NDE1: variants seen among roughly 807,000 people sequenced by gnomAD.
NDE1 encodes the protein nuclear distribution protein nudE homolog 1.
Under a neutral mutation model 43.4 loss-of-function variants are expected in NDE1, and 28 were observed. The ratio of observed to expected loss-of-function variants is 0.65; its 90% confidence interval spans 0.48 to 0.89. The LOEUF (loss-of-function observed/expected upper bound fraction) is 0.89, where lower values mean the gene tolerates loss of function less well. NDE1 is among the 40% of genes least tolerant of loss of function. NDE1 has a pLI of 0.00. For synonymous variants in NDE1, 184 were observed against 172.0 expected, an observed-to-expected ratio of 1.07 and a Z score of -0.55; for missense variants, 441 against 434.1, an observed-to-expected ratio of 1.02 and a Z score of -0.14.
intron 1 of NDE1, among the ~76,000 whole-genome samples, chr16:15,658,985 C>G (rs1174108167): frequency 5.3e-5 from 8 of 152,160 alleles, no homozygotes; most frequent in African/African-American, 1.9e-4. Flanking sequence ...GCCTTTCTGC[C>G]TTGATCAAAC....
intron 6 of NDE1, among the ~76,000 whole-genome samples, chr16:15,693,325 C>T (rs201497820): frequency 6.6e-6 from 1 of 152,240 alleles, no homozygotes; most frequent in East Asian, 1.9e-4. Context: ...GCATTTCTAA[C>T]AGTTCTCATG....
intron 4 of NDE1, among the ~76,000 whole-genome samples, chr16:15,678,761 T>C (rs2038016064): frequency 6.6e-6 from 1 of 152,180 alleles, no homozygotes; most frequent in African/African-American, 2.4e-5. Flanking sequence ...AAAAAATTTA[T>C]ATATGAATTA....
chr16:15,672,455 G>C (rs1341871168), intron 3 of NDE1, among the ~76,000 whole-genome samples: 1 of 151,958 alleles, frequency 6.6e-6, no homozygotes, highest in Non-Finnish European at 1.5e-5. Context: ...GAAGAAACAG[G>C]GTACCTTGGA....
Position 15,693,302 on chromosome 16 carries a change from G to A in NDE1, c.704-863G>A, listed in dbSNP as rs140158119. Among the ~76,000 whole-genome samples, 218 of 152,274 alleles carry A rather than the reference G, an allele frequency of 1.4e-3. 4 individuals carry two copies. The highest frequency in any genetic ancestry group is 8.5e-3 in the South Asian group (41 of 4,822). On this transcript the variant is annotated intron_variant, in intron 6 of 8. Coordinates refer to ENST00000396354, the MANE Select transcript of NDE1 (RefSeq NM_017668.3). ...TTACAGGTGTGAGCTACTGTGCCTG[G>A]CCGAGAGATTCTGCATTTCTAACAG...
chr16:15,662,722 A>G (rs913475900), intron 1 of NDE1, among the ~76,000 whole-genome samples: 1 of 152,134 alleles, frequency 6.6e-6, no homozygotes, highest in Non-Finnish European at 1.5e-5. Flanking sequence ...GAACACAGGC[A>G]TGTGCCACCA....
rs557183120 is a variant in NDE1 at position 15,678,512 on chromosome 16, G to A, written c.386+563G>A. On this transcript the variant is annotated intron_variant, in intron 4 of 8. Coordinates refer to ENST00000396354, the MANE Select transcript of NDE1 (RefSeq NM_017668.3). The stretch of plus-strand genomic sequence containing the variant: ...CCTGAGTAGCTGGAATTACAGGCAC[G>A]TGCCACCACACCATTCTAATTTTTG... Among the ~76,000 whole-genome samples the A allele has an allele frequency of 1.1e-4, 16 of 152,114 alleles. No individual in the cohort carries two copies. In the South Asian group the frequency reaches 2.3e-3, roughly 22 times the overall value.
chr16:15,674,553 T>C (rs2037768998), intron 3 of NDE1, among the ~76,000 whole-genome samples: 1 of 152,130 alleles, frequency 6.6e-6, no homozygotes, highest in Admixed American at 6.6e-5. Context: ...CCGGCCTGTC[T>C]TTGTTTTTAA....
intron 8 of NDE1, chr16:15,719,153 G>C: frequency 1.4e-6 from 2 of 1,465,284 alleles, no homozygotes; most frequent in Non-Finnish European, 1.9e-6. Flanking sequence ...ATAAAATGGG[G>C]GTCGAGGATG....
chr16:15,645,620 G>A (rs1316466171), upstream of NDE1, among the ~76,000 whole-genome samples: 1 of 152,144 alleles, frequency 6.6e-6, no homozygotes, highest in Non-Finnish European at 1.5e-5. Flanking sequence ...AGACAATTAT[G>A]AATCAAAATA....
intron 4 of NDE1, chr16:15,686,639 C>T (rs2038452104): frequency 4.1e-6 from 3 of 724,546 alleles, no homozygotes; most frequent in Non-Finnish European, 5.1e-6. Context: ...GATTGTACCA[C>T]TGCACTTCGG....
chr16:15,644,937 TG>T (rs1328737970), intron 1 of NDE1, among the ~76,000 whole-genome samples: 13 of 147,604 alleles, frequency 8.8e-5, no homozygotes, highest in African/African-American at 2.5e-4. Flanking sequence ...TTTTTTTTTT[TG>T]AGACAAAGTC....
intron 8 of NDE1, chr16:15,715,169 C>T: frequency 6.2e-7 from 1 of 1,613,676 alleles, no homozygotes; most frequent in Non-Finnish European, 8.5e-7. Context: ...GCTACCTGCT[C>T]CTTGTACTGC....
At chr16:15,710,240 C>T (rs1309965021) in intron 8 of NDE1, among the ~76,000 whole-genome samples, 1 of 152,060 alleles carries the variant, frequency 6.6e-6, no homozygotes, top group East Asian at 1.9e-4. Context: ...ATCACTGGGC[C>T]GGCCGGGCAT....
intron 3 of NDE1, among the ~76,000 whole-genome samples, chr16:15,670,416 A>G (rs910537681): frequency 6.6e-6 from 1 of 152,074 alleles, no homozygotes; most frequent in Admixed American, 6.6e-5. Flanking sequence ...CCAGCACTTC[A>G]GGAGGCCGAG....
upstream of NDE1, among the ~76,000 whole-genome samples, chr16:15,646,986 G>T (rs1196782574): frequency 6.6e-6 from 1 of 151,888 alleles, no homozygotes; most frequent in Non-Finnish European, 1.5e-5. Flanking sequence ...GGAGGTGGAG[G>T]TTGCAGTGAG....
intron 8 of NDE1, chr16:15,711,095 G>A (rs970585420): frequency 4.6e-5 from 7 of 152,250 alleles, no homozygotes; most frequent in African/African-American, 1.7e-4. Flanking sequence ...TATCCATGGG[G>A]GACCAACAAG....
At chr16:15,683,783 G>A (rs1244250176) in intron 4 of NDE1, among the ~76,000 whole-genome samples, 1 of 152,172 alleles carries the variant, frequency 6.6e-6, no homozygotes, top group African/African-American at 2.4e-5. Context: ...TTAGTACTTG[G>A]GGAGGCTGAG....
chr16:15,695,800 C>A, intron 7 of NDE1: 2 of 782,762 alleles, frequency 2.6e-6, no homozygotes, highest in Non-Finnish European at 3.1e-6. Context: ...CAGTATTTAG[C>A]CTAGTTGGAG....
chr16:15,651,760 C>T (rs1484801621), intron 1 of NDE1, among the ~76,000 whole-genome samples: 6 of 151,392 alleles, frequency 4.0e-5, no homozygotes, highest in African/African-American at 1.5e-4. Flanking sequence ...TTGAGCCTTT[C>T]CTCTTAGTGT....
Sources: allele counts gnomAD v4.1 joint callset (sites outside exome capture counted in the v4.1 genomes callset), GRCh38; gene constraint gnomAD v4.1.1; transcripts MANE v1.5; gene names NCBI Gene and HGNC (gene_info 2026-07-23, HGNC 2026-07-21).